Variants in NDUFS4 observed in about 807,000 individuals in gnomAD.
The protein encoded by NDUFS4 is NADH:ubiquinone oxidoreductase subunit S4, also known as NADH dehydrogenase [ubiquinone] iron-sulfur protein 4, mitochondrial.
A neutral mutation model predicts 24.3 loss-of-function variants in NDUFS4; 28 were observed. That is an observed-to-expected ratio of 1.15 (90% CI 0.85 to 1.58). The LOEUF is 1.58. Among genes scored for constraint, NDUFS4 ranks in the 40% most tolerant of loss-of-function variants. The pLI, the probability that NDUFS4 is intolerant of heterozygous loss-of-function variation, is 0.00. For synonymous variants in NDUFS4, 93 were observed against 69.7 expected, an observed-to-expected ratio of 1.34 and a Z score of -1.67; for missense variants, 223 against 207.9, an observed-to-expected ratio of 1.07 and a Z score of -0.45.
At chr5:53,624,587 A>G (rs1189438765) in intron 2 of NDUFS4, among the ~76,000 whole-genome samples, 2 of 152,186 alleles carry the variant, frequency 1.3e-5, no homozygotes, top group Admixed American at 1.3e-4. Context: ...ATTCTTTTCT[A>G]TGCCATTGTA....
intron 1 of NDUFS4, among the ~76,000 whole-genome samples, chr5:53,578,861 G>C (rs1309733556): frequency 2.0e-5 from 3 of 150,434 alleles, no homozygotes; most frequent in Non-Finnish European, 4.4e-5. Flanking sequence ...TTCGTGTTTT[G>C]GTTTATCAGA....
chr5:53,662,670 A>C (rs1338515848), intron 4 of NDUFS4, among the ~76,000 whole-genome samples: 1 of 152,142 alleles, frequency 6.6e-6, no homozygotes, highest in Non-Finnish European at 1.5e-5. Context: ...CCTCAATTTC[A>C]GAGCCTGTTA....
At chr5:53,652,063 G>A (rs1008570786) in intron 3 of NDUFS4, among the ~76,000 whole-genome samples, 7 of 152,032 alleles carry the variant, frequency 4.6e-5, no homozygotes, top group Middle Eastern at 3.2e-3. Flanking sequence ...GTGGGCCACC[G>A]TGCCCGGCCA....
intron 1 of NDUFS4, among the ~76,000 whole-genome samples, chr5:53,563,348 A>G (rs1483139347): frequency 6.6e-6 from 1 of 152,114 alleles, no homozygotes; most frequent in African/African-American, 2.4e-5. Flanking sequence ...GCAACAACAC[A>G]TACACACAAG....
chr5:53,681,846 CAGT>C (rs1242028750), intron 4 of NDUFS4, among the ~76,000 whole-genome samples: 1 of 151,978 alleles, frequency 6.6e-6, no homozygotes, highest in Non-Finnish European at 1.5e-5. Context: ...CCTTTGTGTA[CAGT>C]AGTAGTAGTA....
At chr5:53,609,531 G>A (rs1394025458) in intron 2 of NDUFS4, among the ~76,000 whole-genome samples, 2 of 152,138 alleles carry the variant, frequency 1.3e-5, no homozygotes, top group Admixed American at 6.5e-5. Flanking sequence ...TAATTCTTAA[G>A]GGCCCTAGGG....
chr5:53,638,314 C>A (rs549448971), intron 2 of NDUFS4, among the ~76,000 whole-genome samples: 1 of 151,936 alleles, frequency 6.6e-6, no homozygotes, highest in South Asian at 2.1e-4. Flanking sequence ...CTGGAAAGTT[C>A]CAAAATCAGA....
At chr5:53,659,205 G>T (rs188397683) in intron 4 of NDUFS4, among the ~76,000 whole-genome samples, 6 of 152,220 alleles carry the variant, frequency 3.9e-5, no homozygotes, top group Non-Finnish European at 5.9e-5. Flanking sequence ...TGCTTTTGGG[G>T]CAGCCACCTA....
intron 4 of NDUFS4, among the ~76,000 whole-genome samples, chr5:53,678,212 A>C (rs1050478117): frequency 6.6e-6 from 1 of 152,200 alleles, no homozygotes; most frequent in Non-Finnish European, 1.5e-5. Flanking sequence ...AGAAAAAGAA[A>C]TTGGGCATGG....
Position 53,650,134 on chromosome 5 carries a change from T to A in NDUFS4, c.350+3729T>A, listed in dbSNP as rs149186993. ...ATCACATGAGATTTTTACATGTTCATCTATTCCCCAGACTCACCGTAGTAA... is the reference window on the plus strand; with the variant it reads ...ATCACATGAGATTTTTACATGTTCAACTATTCCCCAGACTCACCGTAGTAA... On this transcript the variant is annotated intron_variant, in intron 3 of 4. Transcript: ENST00000296684. 1.8e-4 allele frequency among the ~76,000 whole-genome samples: 28 copies of A among 152,318 alleles called. 1 individual carries two copies. In the East Asian group the frequency reaches 5.2e-3, roughly 28 times the overall value.
At chr5:53,630,953 G>A (rs1751393320) in intron 2 of NDUFS4, among the ~76,000 whole-genome samples, 1 of 152,176 alleles carries the variant, frequency 6.6e-6, no homozygotes, top group Non-Finnish European at 1.5e-5. Flanking sequence ...CTTTGGAGGA[G>A]AAGAGGCATT....
chr5:53,638,435 A>G (rs935090458), intron 2 of NDUFS4, among the ~76,000 whole-genome samples: 1 of 152,158 alleles, frequency 6.6e-6, no homozygotes, highest in Admixed American at 6.6e-5. Flanking sequence ...TACCAAAGTG[A>G]CAAAAGATTT....
chr5:53,587,917 A>G (rs1032332476), intron 1 of NDUFS4, among the ~76,000 whole-genome samples: 3 of 152,182 alleles, frequency 2.0e-5, no homozygotes, highest in Admixed American at 2.0e-4. Context: ...TCAGTCAATG[A>G]AGGATTTCAA....
In NDUFS4 at chr5:53,646,379, A is replaced by G. The variant is rs756116331; in HGVS notation, c.324A>G (p.Glu108=). 12 of 1,613,836 alleles carry G rather than the reference A, an allele frequency of 7.4e-6. No individual in the cohort carries two copies. The highest frequency in any genetic ancestry group is 1.1e-5 in the South Asian group (1 of 91,066). ...KMEFDTRERW[E]NPLMGWASTA... ...AGTTTGATACCAGAGAGCGATGGGA[A>G]AATCCTTTGATGGGTTGGGCATCAA... is the stretch of plus-strand genomic sequence containing the variant. The change falls in exon 3 of 5, where the codon GAA becomes GAG. Residue 108 remains glutamate (E), a synonymous_variant. Coordinates refer to ENST00000296684, the MANE Select transcript of NDUFS4 (RefSeq NM_002495.4).
chr5:53,596,724 A>C (rs1162874690), intron 1 of NDUFS4, among the ~76,000 whole-genome samples: 1 of 152,190 alleles, frequency 6.6e-6, no homozygotes, highest in East Asian at 1.9e-4. Context: ...ATGGCTTAGC[A>C]TGGAAATACT....
At chr5:53,604,006 T>A (rs1750418909) in intron 2 of NDUFS4, among the ~76,000 whole-genome samples, 1 of 152,124 alleles carries the variant, frequency 6.6e-6, no homozygotes, top group Admixed American at 6.5e-5. Flanking sequence ...AAGAAATAAC[T>A]AGCAAGCAAC....
At chr5:53,596,617 G>C (rs1750139311) in intron 1 of NDUFS4, among the ~76,000 whole-genome samples, 1 of 152,028 alleles carries the variant, frequency 6.6e-6, no homozygotes, top group South Asian at 2.1e-4. Context: ...GTTTTCAAAG[G>C]TTTAATATCA....
chr5:53,631,333 G>A (rs1469530465), intron 2 of NDUFS4, among the ~76,000 whole-genome samples: 1 of 152,190 alleles, frequency 6.6e-6, no homozygotes, highest in Non-Finnish European at 1.5e-5. Context: ...CCTACTGGGA[G>A]GCGTCTCCTG....
chr5:53,606,602 T>C (rs1246362835), intron 2 of NDUFS4, among the ~76,000 whole-genome samples: 1 of 152,184 alleles, frequency 6.6e-6, no homozygotes, highest in African/African-American at 2.4e-5. Flanking sequence ...TGACCTCAGG[T>C]AATCCACCTG....
Sources: gnomAD v4.1 joint callset for allele counts (sites outside exome capture counted in the v4.1 genomes callset) on GRCh38, gnomAD v4.1.1 for gene constraint, MANE v1.5 for transcripts, NCBI Gene and HGNC (gene_info 2026-07-23, HGNC 2026-07-21) for gene names.